Variants in SYN2 observed in about 807,000 individuals in gnomAD.
SYN2 encodes synapsin II, also known as synapsin-2.
Under a neutral mutation model 50.9 loss-of-function variants are expected in SYN2, and 19 were observed. That is an observed-to-expected ratio of 0.37 (90% CI 0.26 to 0.55). The LOEUF is 0.55. Among genes scored for constraint, SYN2 ranks in the 20% least tolerant of loss-of-function variants. SYN2 has a pLI of 0.81. For synonymous variants in SYN2, 255 were observed against 224.9 expected (o/e 1.13, Z -1.20); for missense variants, 587 against 576.4 (o/e 1.02, Z -0.19).
chr3:12,044,877 T>C (rs181145291), intron 1 of SYN2, among the ~76,000 whole-genome samples: 64 of 152,326 alleles, frequency 4.2e-4, no homozygotes, highest in African/African-American at 1.5e-3. Context: ...TGCTACATAC[T>C]GTGCTAATCT....
At chr3:12,047,235 G>A (rs1427162862) in intron 1 of SYN2, among the ~76,000 whole-genome samples, 1 of 152,156 alleles carries the variant, frequency 6.6e-6, no homozygotes, top group Non-Finnish European at 1.5e-5. Flanking sequence ...TAGATAAGAG[G>A]AGAGACACCT....
chr3:12,136,526 G>A (rs904626769), intron 1 of SYN2, among the ~76,000 whole-genome samples: 3 of 152,164 alleles, frequency 2.0e-5, no homozygotes, highest in Admixed American at 2.0e-4. Flanking sequence ...ATTATCCAAT[G>A]CATAAAAGAG....
In SYN2 at chr3:12,004,521, A is replaced by C; in HGVS notation, c.-31A>C. On this transcript the variant is annotated 5_prime_UTR_variant, in exon 1 of 13. Transcript: ENST00000621198. ...CTCCCTCCGCGCCACCAGACCCCGT[A>C]GCCCCGCGCGCCCCCAGCCCTTTAA... 1.8e-6 allele frequency: 1 copy of C among 558,208 alleles called. No homozygotes were observed. 34.6% of individuals were successfully genotyped at this position (558,208 alleles called of 1,614,324 possible). A position where few individuals can be genotyped will look rare whatever the true frequency, so the allele number is the denominator to read the frequency against.
chr3:12,126,046 T>C (rs1696662256), intron 1 of SYN2, among the ~76,000 whole-genome samples: 1 of 152,200 alleles, frequency 6.6e-6, no homozygotes. Flanking sequence ...TATACCAAAA[T>C]TGTTTACACA....
chr3:12,111,211 G>A (rs935444652), intron 1 of SYN2, among the ~76,000 whole-genome samples: 7 of 152,154 alleles, frequency 4.6e-5, no homozygotes, highest in African/African-American at 1.7e-4. Flanking sequence ...TTAAAAAGGA[G>A]AGTTCCCCTG....
chr3:12,102,047 G>A (rs1017925941), intron 1 of SYN2, among the ~76,000 whole-genome samples: 4 of 152,122 alleles, frequency 2.6e-5, no homozygotes, highest in Admixed American at 6.5e-5. Context: ...ATGTATGATT[G>A]GACAGTCAGA....
At chr3:12,131,685 T>C (rs1380661460) in intron 1 of SYN2, among the ~76,000 whole-genome samples, 1 of 152,172 alleles carries the variant, frequency 6.6e-6, no homozygotes, top group East Asian at 1.9e-4. Flanking sequence ...AATCTTGTTA[T>C]CTTGTGATAC....
At chr3:12,036,115 G>C (rs945934516) in intron 1 of SYN2, among the ~76,000 whole-genome samples, 1 of 152,128 alleles carries the variant, frequency 6.6e-6, no homozygotes, top group Non-Finnish European at 1.5e-5. Context: ...CATGCTTGGA[G>C]TGGGGCCCAG....
intron 1 of SYN2, among the ~76,000 whole-genome samples, chr3:12,123,523 A>G (rs1019952794): frequency 2.0e-5 from 3 of 152,234 alleles, no homozygotes; most frequent in African/African-American, 7.2e-5. Context: ...AGTCTTAGCC[A>G]CTTGAGAGGC....
Position 12,087,905 on chromosome 3 carries a change from T to G in SYN2, c.378-52746T>G, listed in dbSNP as rs191572716. 1.9e-4 allele frequency among the ~76,000 whole-genome samples: 28 copies of G among 151,000 alleles called. No individual in the cohort carries two copies. The East Asian group carries it at 3.7e-3, about 20-fold the overall frequency. ...GCAAAAGAATGAAATTGGACCTTTA[T>G]CTCACATCATATAAAAAAAAAACCC... On this transcript the variant is annotated intron_variant, in intron 1 of 12. Transcript: ENST00000621198.
intron 5 of SYN2, chr3:12,153,665 C>T (rs1164814834): frequency 6.2e-7 from 1 of 1,614,086 alleles, no homozygotes; most frequent in Non-Finnish European, 8.5e-7. Context: ...TCCAGAGGCA[C>T]TCGTTAGGGG....
In SYN2 at chr3:12,056,551, A is replaced by G. The variant is rs552924458; in HGVS notation, c.377+51623A>G. ...TGGGCAGAGAGGAGAAAAGAAGGGCACCTATATATTAAAAATATTTTTGCC... is the reference window on the plus strand; with the variant it reads ...TGGGCAGAGAGGAGAAAAGAAGGGCGCCTATATATTAAAAATATTTTTGCC... On this transcript the variant is annotated intron_variant, in intron 1 of 12. Transcript: ENST00000621198. Among the ~76,000 whole-genome samples, 6 of 152,324 alleles carry G rather than the reference A, an allele frequency of 3.9e-5. 1 individual carries two copies. The highest frequency in any genetic ancestry group is 2.1e-4 in the South Asian group (1 of 4,828).
chr3:12,174,643 G>A (rs891479477), intron 10 of SYN2, among the ~76,000 whole-genome samples: 4 of 152,034 alleles, frequency 2.6e-5, no homozygotes, highest in Admixed American at 6.6e-5. Context: ...CACCACGCCC[G>A]GCTAATTTTT....
intron 1 of SYN2, among the ~76,000 whole-genome samples, chr3:12,061,073 A>C (rs867237389): frequency 5.9e-5 from 9 of 152,340 alleles, no homozygotes; most frequent in African/African-American, 2.2e-4. Context: ...AAATGCTATA[A>C]GTAAAAACTG....
At chr3:12,178,089 C>T (rs2125250837) in intron 10 of SYN2, among the ~76,000 whole-genome samples, 1 of 152,344 alleles carries the variant, frequency 6.6e-6, no homozygotes, top group African/African-American at 2.4e-5. Flanking sequence ...AACCTACAAC[C>T]TCCTGACCAC....
chr3:12,087,358 A>G (rs1695725408), intron 1 of SYN2, among the ~76,000 whole-genome samples: 1 of 152,294 alleles, frequency 6.6e-6, no homozygotes, highest in Admixed American at 6.5e-5. Flanking sequence ...ATAGCAAAAA[A>G]ATCCTAAAAT....
At position 12,140,676 on chromosome 3, in the gene SYN2, G is replaced by T. The variant is rs1193096019; in HGVS notation, c.403G>T (p.Val135Phe). The T allele has an allele frequency of 3.9e-6, 3 of 765,084 alleles. No homozygotes were observed. The Admixed American group carries it at 5.3e-5, about 13-fold the overall frequency. 47.4% of individuals were successfully genotyped at this position (765,084 alleles called of 1,614,324 possible). The part of the protein sequence containing the change: ...DWAKCFRGKK[V>F]LGDYDIKVEQ... ...GGCCAAGTGCTTTCGGGGCAAAAAA[G>T]TCCTTGGAGATTATGATATCAAGGT... Residue 135 changes from valine to phenylalanine, a missense_variant, in exon 2 of 13, where the codon GTC (valine) becomes TTC (phenylalanine). Val to Phe is a conservative substitution (Grantham distance 50). Coordinates refer to ENST00000621198, the MANE Select transcript of SYN2 (RefSeq NM_133625.6).
intron 1 of SYN2, among the ~76,000 whole-genome samples, chr3:12,104,600 A>G (rs1373138179): frequency 2.1e-5 from 2 of 94,726 alleles, no homozygotes; most frequent in African/African-American, 8.4e-5. Flanking sequence ...TTTGAGACTG[A>G]GTCTCACTCT....
chr3:12,026,487 G>A (rs1263152802), intron 1 of SYN2, among the ~76,000 whole-genome samples: 2 of 152,128 alleles, frequency 1.3e-5, no homozygotes, highest in Non-Finnish European at 2.9e-5. Context: ...AATTTGCCTA[G>A]AATAGGAGGC....
Sources: gnomAD v4.1 joint callset for allele counts (sites outside exome capture counted in the v4.1 genomes callset) on GRCh38, gnomAD v4.1.1 for gene constraint, MANE v1.5 for transcripts, NCBI Gene and HGNC (gene_info 2026-07-23, HGNC 2026-07-21) for gene names.